Variants in LCORL observed in about 807,000 individuals in gnomAD.
LCORL encodes ligand-dependent nuclear receptor corepressor-like protein.
Under a neutral mutation model 141.8 loss-of-function variants are expected in LCORL, and 41 were observed. The ratio of observed to expected loss-of-function variants is 0.29; its 90% CI spans 0.23 to 0.38. The LOEUF (loss-of-function observed/expected upper bound fraction) is 0.38, where lower values mean the gene tolerates loss of function less well. LCORL is among the 10% of genes least tolerant of loss of function. The probability of loss-of-function intolerance (pLI) is 1.00; values close to 1 mark genes in which losing one functional copy is unlikely to be tolerated. For synonymous variants in LCORL, 618 were observed against 694.1 expected (o/e 0.89, Z 1.72); for missense variants, 1,759 against 2,035.0 (o/e 0.86, Z 2.61).
chr4:17,948,548 T>G (rs987105916), intron 4 of LCORL, among the ~76,000 whole-genome samples: 1 of 152,100 alleles, frequency 6.6e-6, no homozygotes, highest in Middle Eastern at 3.4e-3. Context: ...TATCTGGAAG[T>G]TGATAACCTA....
At chr4:18,007,000 A>T (rs1400167858) in intron 1 of LCORL, among the ~76,000 whole-genome samples, 1 of 151,976 alleles carries the variant, frequency 6.6e-6, no homozygotes, top group Non-Finnish European at 1.5e-5. Context: ...AACAACTAAA[A>T]TCCGTTTATT....
chr4:17,959,296 G>A (rs1368205162), intron 4 of LCORL, among the ~76,000 whole-genome samples: 2 of 151,990 alleles, frequency 1.3e-5, no homozygotes, highest in African/African-American at 4.8e-5. Context: ...CTGCTAACTA[G>A]TGGAGAATGG....
intron 4 of LCORL, among the ~76,000 whole-genome samples, chr4:17,910,885 A>G (rs1209760186): frequency 6.6e-6 from 1 of 152,212 alleles, no homozygotes; most frequent in African/African-American, 2.4e-5. Context: ...GAAAGAGGGA[A>G]CTATGGGCCT....
intron 5 of LCORL, among the ~76,000 whole-genome samples, chr4:17,899,585 C>T (rs1018849271): frequency 1.3e-5 from 2 of 152,076 alleles, no homozygotes; most frequent in African/African-American, 4.8e-5. Flanking sequence ...CTTAATGTAA[C>T]AGAAAACCAA....
In LCORL at chr4:17,852,322, A is replaced by G. The variant is rs148786273; in HGVS notation, c.5603-6421T>C. ...GGAAAAATGTAAAGACCTGGGCTCA[A>G]TTTCTGACAATAATCACAATAATAA... On this transcript the variant is annotated intron_variant, in intron 7 of 7. Transcript: ENST00000635767. Among the ~76,000 whole-genome samples, 991 of 152,176 alleles carry G rather than the reference A, an allele frequency of 6.5e-3. 17 individuals are homozygous for G. The highest frequency in any genetic ancestry group is 0.023 in the African/African-American group (953 of 41,510).
chr4:17,973,693 T>C (rs2109674344), intron 1 of LCORL, among the ~76,000 whole-genome samples: 1 of 151,962 alleles, frequency 6.6e-6, no homozygotes, highest in East Asian at 1.9e-4. Context: ...ACAGACCCTA[T>C]AAATCAAAGA....
chr4:17,939,395 TATAA>T (rs1737445384), intron 4 of LCORL, among the ~76,000 whole-genome samples: 1 of 152,162 alleles, frequency 6.6e-6, no homozygotes, highest in African/African-American at 2.4e-5. Context: ...TATTAGATAA[TATAA>T]ATAGGTTTTA....
At position 17,950,282 on chromosome 4, in the gene LCORL, G is replaced by T. The variant is rs202084695; in HGVS notation, c.430+11621C>A. Among the ~76,000 whole-genome samples, 3 of 152,242 alleles carry T rather than the reference G, an allele frequency of 2.0e-5. No homozygotes were observed. In the East Asian group the frequency reaches 5.8e-4, roughly 29 times the overall value. ...ATTCATCAAGGAACATATGGAGAAA[G>T]AAAATCTTAAACAAGGCACTTCTGA... On this transcript the variant is annotated intron_variant, in intron 4 of 7. Transcript: ENST00000635767.
At chr4:17,882,535 T>C in intron 6 of LCORL, 1 of 984,626 alleles carries the variant, frequency 1.0e-6, no homozygotes, top group South Asian at 4.7e-5. Flanking sequence ...ACCCAATTAG[T>C]AGAGAGTTTA....
chr4:17,953,287 G>C (rs552563587), intron 4 of LCORL, among the ~76,000 whole-genome samples: 2 of 152,276 alleles, frequency 1.3e-5, no homozygotes, highest in African/African-American at 4.8e-5. Flanking sequence ...TGGTTGAATG[G>C]TAGTTCTGTT....
intron 6 of LCORL, chr4:17,880,470 TTTTAGTATG>T: frequency 1.1e-6 from 1 of 936,686 alleles, no homozygotes. Context: ...TACTGCCTAT[TTTTAGTATG>T]TTACTATCCA....
At chr4:17,939,088 A>C (rs1257047457) in intron 4 of LCORL, among the ~76,000 whole-genome samples, 1 of 152,236 alleles carries the variant, frequency 6.6e-6, no homozygotes, top group African/African-American at 2.4e-5. Context: ...AATCAACAGA[A>C]AGCAAACAAC....
intron 4 of LCORL, among the ~76,000 whole-genome samples, chr4:17,928,788 GC>G (rs1735559173): frequency 6.6e-6 from 1 of 152,106 alleles, no homozygotes; most frequent in Admixed American, 6.5e-5. Flanking sequence ...CAAGGAAGAA[GC>G]AAAACTCTCT....
At chr4:18,019,706 A>C (rs1172456707) in intron 1 of LCORL, among the ~76,000 whole-genome samples, 1 of 152,202 alleles carries the variant, frequency 6.6e-6, no homozygotes, top group Non-Finnish European at 1.5e-5. Flanking sequence ...ACCAACCAAA[A>C]TATTCCAAAA....
At chr4:17,940,034 T>A (rs1359836632) in intron 4 of LCORL, among the ~76,000 whole-genome samples, 1 of 149,428 alleles carries the variant, frequency 6.7e-6, no homozygotes, top group Non-Finnish European at 1.5e-5. Context: ...ATACACCATA[T>A]GCATATATAT....
At chr4:17,927,891 A>G (rs1344857598) in intron 4 of LCORL, among the ~76,000 whole-genome samples, 1 of 152,234 alleles carries the variant, frequency 6.6e-6, no homozygotes, top group Non-Finnish European at 1.5e-5. Context: ...GCGCAAACAG[A>G]CTTGTTCAAT....
At chr4:17,877,012 T>C (rs936831317) in exon 7 of LCORL, 4 of 1,230,614 alleles carry the variant, frequency 3.3e-6, no homozygotes, top group Non-Finnish European at 4.1e-6. Context: ...GATGAAGATA[T>C]CTCATTGTTT....
chr4:17,966,641 A>C (rs1714939463), intron 2 of LCORL, among the ~76,000 whole-genome samples: 2 of 152,186 alleles, frequency 1.3e-5, no homozygotes, highest in Admixed American at 1.3e-4. Context: ...CTCTGTCTGA[A>C]TAGATACATC....
chr4:17,884,411 A>G lies in LCORL; in HGVS notation c.776+1657T>C, dbSNP rs973999013. 1.9e-6 allele frequency: 3 copies of G among 1,549,384 alleles called. No individual in the cohort carries two copies. Among genetic ancestry groups the G allele is most frequent in the Non-Finnish European group, 2.6e-6 (3 of 1,146,092 alleles). ...GTAAGTGGAAGCTGTTGGGAATTTT[A>G]TTTCTGAGGTTTCAAGTAGATTGAG... On this transcript the variant is annotated intron_variant, in intron 6 of 7. Coordinates refer to ENST00000635767, the Ensembl canonical transcript of LCORL. This position sits in a 1 kb window ranked among gnomAD's most constrained non-coding sequence, Gnocchi z 4.4.
Sources: gnomAD v4.1 joint callset for allele counts (sites outside exome capture counted in the v4.1 genomes callset) on GRCh38, gnomAD v4.1.1 for gene constraint, Gnocchi (gnomAD v3.1) non-coding constraint, MANE v1.5 for transcripts, NCBI Gene and HGNC (gene_info 2026-07-23, HGNC 2026-07-21) for gene names.